Variants in HSPA12A observed in about 807,000 individuals in gnomAD.
HSPA12A encodes heat shock 70 kDa protein 12A.
In HSPA12A, 28 loss-of-function variants were observed where a neutral mutation model predicts 69.2. The ratio of observed to expected loss-of-function variants is 0.40; its 90% CI spans 0.30 to 0.55. The LOEUF (loss-of-function observed/expected upper bound fraction) is 0.55. Among genes scored for constraint, HSPA12A ranks in the 20% least tolerant of loss-of-function variants. The pLI, the probability that HSPA12A is intolerant of heterozygous loss-of-function variation, is 0.38. For synonymous variants in HSPA12A, 345 were observed against 370.5 expected, an observed-to-expected ratio of 0.93 and a Z score of 0.79; for missense variants, 686 against 900.7, an observed-to-expected ratio of 0.76 and a Z score of 3.05.
intron 5 of HSPA12A, among the ~76,000 whole-genome samples, chr10:116,696,565 A>AAT (rs1175113178): frequency 1.3e-5 from 2 of 152,254 alleles, no homozygotes; most frequent in Middle Eastern, 3.4e-3. Context: ...CTTCCTTTAT[A>AAT]AATTACCCAA....
At chr10:116,720,184 C>T (rs1317787199) in intron 1 of HSPA12A, among the ~76,000 whole-genome samples, 3 of 152,248 alleles carry the variant, frequency 2.0e-5, no homozygotes, top group Admixed American at 1.3e-4. Context: ...AGGAGAAGTG[C>T]CCCTGTCCCC....
chr10:116,740,168 G>T (rs1328212674), intron 1 of HSPA12A, among the ~76,000 whole-genome samples: 2 of 152,218 alleles, frequency 1.3e-5, no homozygotes, highest in Non-Finnish European at 2.9e-5. Context: ...GAATCAGATG[G>T]CCTGGGTCCC....
intron 2 of HSPA12A, among the ~76,000 whole-genome samples, chr10:116,820,865 C>G (rs1235524002): frequency 1.3e-5 from 2 of 152,090 alleles, no homozygotes; most frequent in African/African-American, 2.4e-5. Context: ...AGGTTCCACC[C>G]CAAACCCACT....
chr10:116,845,540 G>A (rs182111129), intron 1 of HSPA12A, among the ~76,000 whole-genome samples: 22 of 152,054 alleles, frequency 1.4e-4, no homozygotes, highest in Non-Finnish European at 2.8e-4. Flanking sequence ...TCTGAAGCAG[G>A]AGAGTACAGT....
chr10:116,701,211 T>C (rs1850069543), intron 3 of HSPA12A, 82 bp from the exon 4 acceptor site: 4 of 1,326,048 alleles, frequency 3.0e-6, no homozygotes, highest in South Asian at 2.7e-5. Flanking sequence ...ACCTACTGTA[T>C]GCATGAGTGT....
At chr10:116,790,043 C>T (rs995825479) in intron 2 of HSPA12A, among the ~76,000 whole-genome samples, 1 of 151,236 alleles carries the variant, frequency 6.6e-6, no homozygotes, top group Non-Finnish European at 1.5e-5. Context: ...AATCCAAGGT[C>T]CTCCCATGGC....
chr10:116,763,715 G>A (rs1187451256), intron 2 of HSPA12A, among the ~76,000 whole-genome samples: 1 of 152,184 alleles, frequency 6.6e-6, no homozygotes, highest in African/African-American at 2.4e-5. Context: ...AACAAAATGT[G>A]CTCTGGACTA....
At chr10:116,734,274 A>T (rs1851244228) in intron 1 of HSPA12A, among the ~76,000 whole-genome samples, 1 of 151,960 alleles carries the variant, frequency 6.6e-6, no homozygotes, top group Admixed American at 6.6e-5. Context: ...ACATGGTGAA[A>T]CTCTGCCTCT....
intron 1 of HSPA12A, among the ~76,000 whole-genome samples, chr10:116,846,142 A>G (rs527354746): frequency 6.6e-6 from 1 of 152,326 alleles, no homozygotes; most frequent in Admixed American, 6.5e-5. Context: ...GAATGACAGA[A>G]GCTGACTGGG....
chr10:116,801,386 C>T (rs1844951602), intron 2 of HSPA12A, among the ~76,000 whole-genome samples: 1 of 152,202 alleles, frequency 6.6e-6, no homozygotes, highest in South Asian at 2.1e-4. Context: ...ACTGAAAGCT[C>T]ACCTTTGGGT....
chr10:116,838,806 C>T (rs1486623758), intron 1 of HSPA12A, among the ~76,000 whole-genome samples: 2 of 152,154 alleles, frequency 1.3e-5, no homozygotes, highest in African/African-American at 2.4e-5. Context: ...AAGGCACAGC[C>T]GGTTAAATGC....
chr10:116,742,481 C>A lies in HSPA12A; in HGVS notation c.-12G>T. ...TCCTTGTCCGCCATGGTCGCGCAGC[C>A]CCGGACCGCGAGGGGAGCCTCCAGC... On this transcript the variant is annotated 5_prime_UTR_variant, in exon 1 of 12. Transcript: ENST00000369209. 7.4e-7 allele frequency: 1 copy of A among 1,351,630 alleles called. No individual in the cohort carries two copies. Among genetic ancestry groups the A allele is most frequent in the Admixed American group, 3.3e-5 (1 of 30,734 alleles). 83.7% of individuals were successfully genotyped at this position (1,351,630 alleles called of 1,614,324 possible).
At chr10:116,814,888 G>T (rs879587732) in intron 2 of HSPA12A, among the ~76,000 whole-genome samples, 1 of 152,148 alleles carries the variant, frequency 6.6e-6, no homozygotes, top group African/African-American at 2.4e-5. Context: ...CGTTATAAAG[G>T]GGGGAATAAG....
intron 2 of HSPA12A, among the ~76,000 whole-genome samples, chr10:116,813,263 T>TTTTTTTTTTTTA (rs1845230777): frequency 6.8e-6 from 1 of 147,382 alleles, no homozygotes; most frequent in Non-Finnish European, 1.5e-5. Flanking sequence ...TTTTTTTTTT[T>TTTTTTTTTTTTA]GAGATGGAGT....
At chr10:116,687,086 A>C (rs1039420842) in intron 6 of HSPA12A, among the ~76,000 whole-genome samples, 3 of 152,192 alleles carry the variant, frequency 2.0e-5, no homozygotes, top group African/African-American at 7.2e-5. Context: ...AAAATCCAGC[A>C]GAACTGTCCC....
chr10:116,724,223 C>G (rs145424167), intron 1 of HSPA12A, among the ~76,000 whole-genome samples: 13 of 152,194 alleles, frequency 8.5e-5, no homozygotes, highest in Non-Finnish European at 1.9e-4. Flanking sequence ...AGAGAGAACA[C>G]GCACTTTGGG....
At chr10:116,776,232 G>A (rs546805507) in intron 2 of HSPA12A, among the ~76,000 whole-genome samples, 14 of 152,336 alleles carry the variant, frequency 9.2e-5, no homozygotes, top group Admixed American at 7.8e-4. Flanking sequence ...TGGACAACAA[G>A]GAGCATCTCA....
chr10:116,721,709 C>T (rs1259488609), intron 1 of HSPA12A, among the ~76,000 whole-genome samples: 1 of 152,190 alleles, frequency 6.6e-6, no homozygotes, highest in Non-Finnish European at 1.5e-5. Context: ...TCTCCAAACC[C>T]TTTACTGAGC....
chr10:116,684,009 C>A (rs967674237), intron 6 of HSPA12A, 47 bp from the exon 7 acceptor site: 22 of 1,481,776 alleles, frequency 1.5e-5, no homozygotes, highest in Non-Finnish European at 1.9e-5. Context: ...CCTGGGCCGG[C>A]CTGCTCCTAG....
Sources: allele counts gnomAD v4.1 joint callset (sites outside exome capture counted in the v4.1 genomes callset), GRCh38; gene constraint gnomAD v4.1.1; transcripts MANE v1.5; gene names NCBI Gene and HGNC (gene_info 2026-07-23, HGNC 2026-07-21).